CIMAP1D: variants seen among roughly 807,000 people sequenced by gnomAD.
CIMAP1D encodes the protein CIMAP1 family member D.
chr19:478,760 G>A, the CIMAP1D span, among the ~76,000 whole-genome samples: 12 of 152,400 alleles, frequency 7.9e-5, no homozygotes, highest in African/African-American at 2.9e-4. Flanking sequence ...ACGTCCACCC[G>A]CCCAGCTGCC....
the CIMAP1D span, among the ~76,000 whole-genome samples, chr19:473,811 C>T: frequency 6.5e-5 from 7 of 107,700 alleles, no homozygotes; most frequent in Non-Finnish European, 1.1e-4. Flanking sequence ...CAGAGATACA[C>T]GGTCACAGAT....
the CIMAP1D span, among the ~76,000 whole-genome samples, chr19:473,572 C>G: frequency 0.7 from 6,028 of 8,634 alleles, 2,369 homozygotes; most frequent in African/African-American, 0.91. Context: ...GGTCACAGAT[C>G]GGGAAACTGA....
At chr19:489,904 G>C in the CIMAP1D span, 1 of 393,384 alleles carries the variant, frequency 2.5e-6, no homozygotes, top group Non-Finnish European at 4.5e-6. Context: ...GGCTCTGCCT[G>C]AACCCCGACC....
the CIMAP1D span, among the ~76,000 whole-genome samples, chr19:465,779 G>A: frequency 1.4e-4 from 20 of 147,750 alleles, no homozygotes; most frequent in African/African-American, 5.0e-4. Context: ...GTGGGTGGGT[G>A]GATAGCTGGA....
chr19:480,843 T>G, the CIMAP1D span, among the ~76,000 whole-genome samples: 3 of 106,798 alleles, frequency 2.8e-5, no homozygotes, highest in Non-Finnish European at 5.1e-5. Context: ...GAAAGGATGA[T>G]GGGAAGGATG....
At chr19:463,823 T>G in the CIMAP1D span, 87 of 1,599,612 alleles carry the variant, frequency 5.4e-5, no homozygotes, top group Non-Finnish European at 7.1e-5. Context: ...CCCCGTTCAC[T>G]GTGTGGGAAA....
chr19:479,528 T>C, the CIMAP1D span, among the ~76,000 whole-genome samples: 1 of 149,646 alleles, frequency 6.7e-6, no homozygotes, highest in African/African-American at 2.5e-5. Flanking sequence ...CCTCAGCCTC[T>C]CGCGTAGCTG....
the CIMAP1D span, among the ~76,000 whole-genome samples, chr19:480,601 ATGGGGAAGG>A: frequency 1.3e-4 from 18 of 133,406 alleles, no homozygotes; most frequent in African/African-American, 5.1e-4. Context: ...TGGGAAGGTG[ATGGGGAAGG>A]ATGATGGGAA....
At chr19:479,480 C>T in the CIMAP1D span, among the ~76,000 whole-genome samples, 1 of 149,754 alleles carries the variant, frequency 6.7e-6, no homozygotes, top group African/African-American at 2.5e-5. Flanking sequence ...TCTCAGCTCA[C>T]TGCAACCTCT....
the CIMAP1D span, among the ~76,000 whole-genome samples, chr19:477,447 G>C: frequency 6.6e-6 from 1 of 151,962 alleles, no homozygotes; most frequent in Non-Finnish European, 1.5e-5. Context: ...AGTGGTGCAC[G>C]TCTGTAATCC....
chr19:467,654 G>C, the CIMAP1D span: 5 of 1,610,130 alleles, frequency 3.1e-6, no homozygotes, highest in Admixed American at 5.0e-5. Context: ...CTCACCCCGA[G>C]ACTTGGCCCG....
At chr19:464,136 C>CGGGTG in the CIMAP1D span, 1 of 986,808 alleles carries the variant, frequency 1.0e-6, no homozygotes, top group East Asian at 4.0e-5. Flanking sequence ...CTGCGGGGGG[C>CGGGTG]GGGCGGGGGG....
chr19:479,411 TGGG>T, the CIMAP1D span, among the ~76,000 whole-genome samples: 1,885 of 33,346 alleles, frequency 0.057, 73 homozygotes, highest in African/African-American at 0.12. Flanking sequence ...TTTTTTTTTT[TGGG>T]GGGGGGGGGG....
chr19:468,345 G>A, the CIMAP1D span, among the ~76,000 whole-genome samples: 1,069 of 152,046 alleles, frequency 7.0e-3, 13 homozygotes, highest in African/African-American at 0.024. Context: ...CAGCCTGGGC[G>A]ACGGAGCAAG....
chr19:466,959 T>C, the CIMAP1D span, among the ~76,000 whole-genome samples: 331 of 29,228 alleles, frequency 0.011, 13 homozygotes, highest in African/African-American at 0.057. Flanking sequence ...GGTGGATAGA[T>C]GGATGGGTGG....
the CIMAP1D span, among the ~76,000 whole-genome samples, chr19:465,500 T>A: frequency 1.4e-5 from 2 of 141,732 alleles, no homozygotes; most frequent in African/African-American, 5.3e-5. Context: ...AGTGGATGGG[T>A]GAATGGTTGG....
the CIMAP1D span, among the ~76,000 whole-genome samples, chr19:484,421 A>C: frequency 6.6e-6 from 1 of 152,148 alleles, no homozygotes; most frequent in Non-Finnish European, 1.5e-5. Flanking sequence ...GATTACAGGC[A>C]TGAGCCACCG....
the CIMAP1D span, chr19:464,219 G>A: frequency 1.3e-6 from 2 of 1,520,446 alleles, no homozygotes; most frequent in Non-Finnish European, 1.8e-6. Context: ...GAGGGGGCAT[G>A]GTGTAGGCAT....
chr19:477,152 G>A, the CIMAP1D span, among the ~76,000 whole-genome samples: 1 of 152,250 alleles, frequency 6.6e-6, no homozygotes, highest in African/African-American at 2.4e-5. Context: ...AGGCTGCAGT[G>A]AGCCAAGATT....
Sources: allele counts gnomAD v4.1 joint callset (sites outside exome capture counted in the v4.1 genomes callset), GRCh38; gene constraint gnomAD v4.1.1; transcripts MANE v1.5; gene names NCBI Gene and HGNC (gene_info 2026-07-23, HGNC 2026-07-21).